The following KCNN2 variants were observed in gnomAD, a reference collection of about 807,000 sequenced individuals.
KCNN2 encodes the protein potassium calcium-activated channel subfamily N member 2.
In KCNN2, 24 loss-of-function variants were observed where a neutral mutation model predicts 55.5. That is an observed-to-expected ratio of 0.43 (90% confidence interval 0.31 to 0.61). KCNN2 has a LOEUF of 0.61. Ranked by LOEUF, KCNN2 falls within the 20% of genes least tolerant of loss-of-function variation. The pLI is 0.08. For synonymous variants in KCNN2, 431 were observed against 336.1 expected (o/e 1.28, Z -3.09); for missense variants, 754 against 853.6 (o/e 0.88, Z 1.45).
At chr5:114,297,043 T>C (rs2150020643) in intron 2 of KCNN2, among the ~76,000 whole-genome samples, 1 of 152,326 alleles carries the variant, frequency 6.6e-6, no homozygotes, top group Admixed American at 6.5e-5. Context: ...GGTTTTGTAG[T>C]ATTTGAATTC....
At chr5:114,171,937 T>G (rs1753041054) in intron 1 of KCNN2, among the ~76,000 whole-genome samples, 1 of 151,900 alleles carries the variant, frequency 6.6e-6, no homozygotes, top group Admixed American at 6.6e-5. Flanking sequence ...ATCCCAGTTT[T>G]CAGGGTGTAT....
chr5:114,122,604 A>G (rs1044925942), intron 1 of KCNN2, among the ~76,000 whole-genome samples: 3 of 152,198 alleles, frequency 2.0e-5, no homozygotes, highest in Admixed American at 2.0e-4. Context: ...TGGGTAGGAT[A>G]CTTAGTGGTA....
intron 2 of KCNN2, among the ~76,000 whole-genome samples, chr5:114,320,600 C>A (rs1385660420): frequency 2.6e-4 from 39 of 149,880 alleles, no homozygotes; most frequent in African/African-American, 9.6e-4. Flanking sequence ...GGTGACACAG[C>A]GAGACTCTGT....
intron 1 of KCNN2, among the ~76,000 whole-genome samples, chr5:114,217,522 G>C (rs1020306800): frequency 6.6e-6 from 1 of 152,140 alleles, no homozygotes; most frequent in Non-Finnish European, 1.5e-5. Context: ...CTTTCAACAA[G>C]TGGTGCTGTA....
At position 114,371,661 on chromosome 5, in the gene KCNN2, A is replaced by C. The variant is rs369345972; in HGVS notation, c.1218+7660A>C. On this transcript the variant is annotated intron_variant, in intron 2 of 7. Coordinates refer to ENST00000673685, the MANE Select transcript of KCNN2 (RefSeq NM_021614.4). The stretch of plus-strand genomic sequence containing the variant: ...AGAATAAGTTCATTTCCCTTTTCAC[A>C]GGATCACAGAACAAACATTTTAACA... Among the ~76,000 whole-genome samples the C allele has an allele frequency of 3.9e-5, 6 of 152,322 alleles. No individual in the cohort carries two copies. In the South Asian group the frequency reaches 1.2e-3, roughly 32 times the overall value.
intron 1 of KCNN2, among the ~76,000 whole-genome samples, chr5:114,179,799 A>G (rs1167708988): frequency 6.6e-6 from 1 of 152,166 alleles, no homozygotes; most frequent in Non-Finnish European, 1.5e-5. Flanking sequence ...TTTTCGTCTT[A>G]ATTAAACACA....
chr5:114,242,453 CT>C (rs1416040294), intron 2 of KCNN2, among the ~76,000 whole-genome samples: 3 of 152,148 alleles, frequency 2.0e-5, no homozygotes, highest in African/African-American at 7.2e-5. Flanking sequence ...TTCTCTATAA[CT>C]ATTTATTTAC....
intron 1 of KCNN2, among the ~76,000 whole-genome samples, chr5:114,070,006 G>A (rs1750533635): frequency 6.6e-6 from 1 of 152,156 alleles, no homozygotes; most frequent in South Asian, 2.1e-4. Context: ...TCATTTCTGG[G>A]AAGACAGCTC....
intron 1 of KCNN2, among the ~76,000 whole-genome samples, chr5:114,196,106 A>G (rs892093475): frequency 1.4e-4 from 22 of 151,996 alleles, no homozygotes; most frequent in African/African-American, 5.3e-4. Flanking sequence ...GAATATAAAT[A>G]TAAGCCTTTA....
chr5:114,388,175 A>G (rs1561601502), intron 2 of KCNN2, among the ~76,000 whole-genome samples: 1 of 152,128 alleles, frequency 6.6e-6, no homozygotes, highest in East Asian at 1.9e-4. Flanking sequence ...TTTTATGGCA[A>G]CTGTTATTTT....
At chr5:114,056,494 G>T in exon 1 of KCNN2, 1 of 398,530 alleles carries the variant, frequency 2.5e-6, no homozygotes, top group South Asian at 1.3e-4. Flanking sequence ...CCTGGTTGCA[G>T]AACGAGGTAA....
intron 3 of KCNN2, among the ~76,000 whole-genome samples, chr5:114,446,515 C>T (rs1240303338): frequency 1.3e-5 from 2 of 152,026 alleles, no homozygotes; most frequent in African/African-American, 2.4e-5. Context: ...TGGAGTGCAG[C>T]GGTGTGATCT....
chr5:114,104,722 G>A lies in KCNN2; in HGVS notation c.-271+48222G>A, dbSNP rs548549769. Among the ~76,000 whole-genome samples, 7 of 152,066 alleles carry A rather than the reference G, an allele frequency of 4.6e-5. No individual in the cohort carries two copies. In the East Asian group the frequency reaches 1.4e-3, roughly 30 times the overall value. On this transcript the variant is annotated intron_variant, in intron 1 of 10. Coordinates refer to the KCNN2 transcript ENST00000512097. The stretch of plus-strand genomic sequence containing the variant: ...TGGATGCTGTGGGAGTGCATGAGAG[G>A]GCCGCCTACCTCAGAATGGGGAGAT...
chr5:114,366,673 G>A (rs1757611500), intron 2 of KCNN2, among the ~76,000 whole-genome samples: 2 of 152,042 alleles, frequency 1.3e-5, no homozygotes, highest in South Asian at 4.2e-4. Flanking sequence ...TCAGGCTTAT[G>A]TATATGCATG....
intron 2 of KCNN2, among the ~76,000 whole-genome samples, chr5:114,295,657 G>A (rs1018745728): frequency 6.6e-6 from 1 of 152,128 alleles, no homozygotes; most frequent in Non-Finnish European, 1.5e-5. Context: ...CTTCCCAAGT[G>A]AGGCAATGCC....
At chr5:114,456,397 CAAA>C (rs146553025) in intron 3 of KCNN2, among the ~76,000 whole-genome samples, 127 of 152,150 alleles carry the variant, frequency 8.3e-4, no homozygotes, top group Non-Finnish European at 1.5e-3. Flanking sequence ...TCAAAACAAA[CAAA>C]CAAAAAAAGA....
intron 1 of KCNN2, among the ~76,000 whole-genome samples, chr5:114,193,693 A>G (rs998613402): frequency 1.3e-5 from 2 of 152,156 alleles, no homozygotes; most frequent in African/African-American, 4.8e-5. Context: ...TGCACACATC[A>G]GTTCCTAAAT....
intron 1 of KCNN2, among the ~76,000 whole-genome samples, chr5:114,210,177 G>C (rs1384218433): frequency 1.3e-5 from 2 of 152,182 alleles, no homozygotes; most frequent in Admixed American, 6.5e-5. Context: ...GTGTTCCTAA[G>C]GGCTAGAAGG....
chr5:114,272,793 G>T (rs192524461), intron 2 of KCNN2, among the ~76,000 whole-genome samples: 13 of 152,110 alleles, frequency 8.5e-5, no homozygotes, highest in Admixed American at 1.3e-4. Flanking sequence ...GTTGTATTTA[G>T]TTTATTATTT....
Sources: allele counts gnomAD v4.1 joint callset (sites outside exome capture counted in the v4.1 genomes callset), GRCh38; gene constraint gnomAD v4.1.1; transcripts MANE v1.5; gene names NCBI Gene and HGNC (gene_info 2026-07-23, HGNC 2026-07-21).